Variants in AOPEP observed in about 807,000 individuals in gnomAD.
AOPEP encodes the protein aminopeptidase O (putative).
AOPEP carries 77 observed loss-of-function variants against 98.1 expected under a neutral mutation model. That is an observed-to-expected ratio of 0.78 (90% CI 0.65 to 0.95). The LOEUF (loss-of-function observed/expected upper bound fraction) is 0.95, where lower values mean the gene tolerates loss of function less well. Among genes scored for constraint, AOPEP ranks in the 40% least tolerant of loss-of-function variants. The probability of loss-of-function intolerance (pLI) is 0.00; values close to 1 mark genes in which losing one functional copy is unlikely to be tolerated. For missense variants in AOPEP, 1,024 were observed against 1,024.7 expected (o/e 1.00, Z 0.01); for synonymous variants, 346 against 365.3 (o/e 0.95, Z 0.60).
chr9:95,067,152 C>A (rs1461647462), intron 14 of AOPEP, among the ~76,000 whole-genome samples: 1 of 152,104 alleles, frequency 6.6e-6, no homozygotes, highest in Non-Finnish European at 1.5e-5. Flanking sequence ...TGTGGCACAC[C>A]AGGATGTGAG....
chr9:94,975,010 A>T (rs1349728057), intron 10 of AOPEP, among the ~76,000 whole-genome samples: 1 of 152,108 alleles, frequency 6.6e-6, no homozygotes, highest in Admixed American at 6.6e-5. Context: ...GGCTGGGATC[A>T]TTTGAGGCCA....
intron 1 of AOPEP, among the ~76,000 whole-genome samples, chr9:94,751,333 C>T (rs1835724167): frequency 6.6e-6 from 1 of 152,082 alleles, no homozygotes; most frequent in South Asian, 2.1e-4. Context: ...AAGTGGTACT[C>T]CCTTTCATTT....
the AOPEP span, chr9:95,113,952 G>A: frequency 1.3e-5 from 2 of 154,864 alleles, no homozygotes; most frequent in Non-Finnish European, 2.9e-5. Context: ...GCTAGGTGTG[G>A]TGGTACACGC....
At chr9:94,884,221 T>A (rs1162660929) in intron 5 of AOPEP, among the ~76,000 whole-genome samples, 1 of 152,220 alleles carries the variant, frequency 6.6e-6, no homozygotes, top group African/African-American at 2.4e-5. Context: ...CTGTTTACTT[T>A]TTCCTTTGTC....
chr9:94,729,011 T>C (rs1829905475), intron 1 of AOPEP, among the ~76,000 whole-genome samples: 1 of 152,084 alleles, frequency 6.6e-6, no homozygotes. Flanking sequence ...ATGGGGAGAC[T>C]AGAGAGAAAC....
At chr9:94,837,470 A>C (rs2041753053) in intron 5 of AOPEP, among the ~76,000 whole-genome samples, 1 of 152,216 alleles carries the variant, frequency 6.6e-6, no homozygotes, top group East Asian at 1.9e-4. Flanking sequence ...ATTGATCTGT[A>C]GTTCAGTATC....
chr9:94,858,299 T>C (rs1182565967), intron 5 of AOPEP, among the ~76,000 whole-genome samples: 1 of 152,184 alleles, frequency 6.6e-6, no homozygotes, highest in Non-Finnish European at 1.5e-5. Context: ...GATGTAAACC[T>C]CTGTGTTTTA....
At chr9:95,094,179 AGGCGCC>A in the AOPEP span, among the ~76,000 whole-genome samples, 1 of 152,090 alleles carries the variant, frequency 6.6e-6, no homozygotes, top group Non-Finnish European at 1.5e-5. Flanking sequence ...GCACACGCAC[AGGCGCC>A]GGCATATCCA....
intron 13 of AOPEP, among the ~76,000 whole-genome samples, chr9:95,025,417 A>G (rs1200662064): frequency 6.6e-6 from 1 of 152,246 alleles, no homozygotes; most frequent in Non-Finnish European, 1.5e-5. Context: ...GATACGGCTC[A>G]GTGCCTTGTC....
At position 94,931,723 on chromosome 9, in the gene AOPEP, A is replaced by T. The variant is rs1334700105; in HGVS notation, c.1661+3192A>T. Reference sequence around the variant, plus strand: ...GCTTTATGTCTTGATAGGTTTCCACATGTTGGCGGATGCAGTGGAAGCTTC... The same window carrying T: ...GCTTTATGTCTTGATAGGTTTCCACTTGTTGGCGGATGCAGTGGAAGCTTC... On this transcript the variant is annotated intron_variant, in intron 7 of 16. Transcript: ENST00000375315. 1.9e-6 allele frequency: 3 copies of T among 1,549,102 alleles called. No individual in the cohort carries two copies. The Admixed American group carries it at 5.9e-5, about 30-fold the overall frequency.
intron 5 of AOPEP, among the ~76,000 whole-genome samples, chr9:94,881,230 G>A (rs1363903909): frequency 6.9e-6 from 1 of 144,086 alleles, no homozygotes; most frequent in Non-Finnish European, 1.5e-5. Flanking sequence ...GCAACTTGGT[G>A]GCTGCTGCTG....
At chr9:94,937,877 C>G (rs2056504146) in intron 7 of AOPEP, among the ~76,000 whole-genome samples, 1 of 152,058 alleles carries the variant, frequency 6.6e-6, no homozygotes, top group Non-Finnish European at 1.5e-5. Flanking sequence ...AGAACAATTT[C>G]TTTTTTCTTT....
intron 13 of AOPEP, among the ~76,000 whole-genome samples, chr9:95,038,034 G>A (rs952839994): frequency 3.3e-5 from 5 of 152,100 alleles, no homozygotes; most frequent in Non-Finnish European, 5.9e-5. Flanking sequence ...CTGTCTGTCC[G>A]TCCATGCTCC....
intron 3 of AOPEP, among the ~76,000 whole-genome samples, chr9:94,789,073 C>T (rs541922642): frequency 6.6e-6 from 1 of 152,200 alleles, no homozygotes; most frequent in Non-Finnish European, 1.5e-5. Flanking sequence ...TTATCTTTCC[C>T]TACTGCCAAC....
At chr9:95,054,716 T>C (rs2066676116) in intron 13 of AOPEP, among the ~76,000 whole-genome samples, 1 of 152,226 alleles carries the variant, frequency 6.6e-6, no homozygotes, top group Admixed American at 6.5e-5. Context: ...TTCCCAAAAA[T>C]CTAATAAATA....
chr9:94,953,706 A>G (rs1181321076), intron 7 of AOPEP, among the ~76,000 whole-genome samples: 1 of 152,002 alleles, frequency 6.6e-6, no homozygotes, highest in African/African-American at 2.4e-5. Context: ...CCACCACACT[A>G]CCTTTTAAAA....
intron 11 of AOPEP, among the ~76,000 whole-genome samples, chr9:94,982,269 G>A (rs993414407): frequency 5.9e-5 from 9 of 151,976 alleles, no homozygotes; most frequent in South Asian, 2.1e-4. Context: ...CATATTTTAC[G>A]TTTTCCTTTC....
intron 6 of AOPEP, among the ~76,000 whole-genome samples, chr9:94,927,391 T>C (rs2054514159): frequency 6.6e-6 from 1 of 152,242 alleles, no homozygotes; most frequent in Non-Finnish European, 1.5e-5. Flanking sequence ...TCGTCTGGCC[T>C]CTGCCAGCTT....
At chr9:94,951,387 G>A (rs990233722) in intron 7 of AOPEP, among the ~76,000 whole-genome samples, 5 of 152,218 alleles carry the variant, frequency 3.3e-5, no homozygotes, top group African/African-American at 1.2e-4. Flanking sequence ...AAGGACTTTG[G>A]TGTTCTGTGG....
Sources: allele counts gnomAD v4.1 joint callset (sites outside exome capture counted in the v4.1 genomes callset), GRCh38; gene constraint gnomAD v4.1.1; transcripts MANE v1.5; gene names NCBI Gene and HGNC (gene_info 2026-07-23, HGNC 2026-07-21).